SUSD1: variants seen among roughly 807,000 people sequenced by gnomAD.
SUSD1 encodes the protein sushi domain containing 1, also known as sushi domain-containing protein 1.
Under a neutral mutation model 86.9 loss-of-function variants are expected in SUSD1, and 65 were observed. That is an observed-to-expected ratio of 0.75 (90% CI 0.61 to 0.92). The LOEUF (loss-of-function observed/expected upper bound fraction) is 0.92. SUSD1 is among the 40% of genes least tolerant of loss of function. The probability of loss-of-function intolerance (pLI) is 0.00; values close to 1 mark genes in which losing one functional copy is unlikely to be tolerated. For missense variants in SUSD1, 850 were observed against 929.7 expected (o/e 0.91, Z 1.11); for synonymous variants, 346 against 350.0 (o/e 0.99, Z 0.13).
intron 10 of SUSD1, among the ~76,000 whole-genome samples, chr9:112,081,270 T>C (rs1221796271): frequency 6.6e-6 from 1 of 152,232 alleles, no homozygotes; most frequent in East Asian, 1.9e-4. Flanking sequence ...AAGGTAAGGC[T>C]GTATTTTGTA....
At chr9:112,069,230 G>A (rs1008727168) in intron 12 of SUSD1, among the ~76,000 whole-genome samples, 1 of 152,158 alleles carries the variant, frequency 6.6e-6, no homozygotes, top group South Asian at 2.1e-4. Context: ...ACAGTGTTAG[G>A]TCTAGAATTT....
intron 15 of SUSD1, among the ~76,000 whole-genome samples, chr9:112,042,954 G>A (rs926631475): frequency 1.3e-5 from 2 of 152,178 alleles, no homozygotes; most frequent in African/African-American, 2.4e-5. Context: ...AATTATAACC[G>A]AGAAAATTAT....
intron 15 of SUSD1, among the ~76,000 whole-genome samples, chr9:112,048,915 T>A (rs935291517): frequency 6.6e-6 from 1 of 152,160 alleles, no homozygotes; most frequent in Non-Finnish European, 1.5e-5. Flanking sequence ...TTGGTTTGAA[T>A]GGAGAAGAAT....
At chr9:112,052,541 T>A in intron 14 of SUSD1, 103 bp from the exon 15 acceptor site, 1 of 1,326,050 alleles carries the variant, frequency 7.5e-7, no homozygotes, top group East Asian at 2.3e-5. Context: ...TTTTTCAATC[T>A]CTTAATCTGA....
At chr9:112,060,904 G>A (rs1327849735) in intron 13 of SUSD1, among the ~76,000 whole-genome samples, 2 of 152,164 alleles carry the variant, frequency 1.3e-5, no homozygotes, top group South Asian at 4.1e-4. Context: ...GCTCACCTGT[G>A]CCCATTTGGT....
At chr9:112,044,971 C>T (rs12338617) in intron 15 of SUSD1, among the ~76,000 whole-genome samples, 3 of 152,128 alleles carry the variant, frequency 2.0e-5, no homozygotes, top group Admixed American at 6.5e-5. Flanking sequence ...GAAAATTCTA[C>T]GAAAAGGTAA....
chr9:112,050,174 T>A (rs1417464073), intron 15 of SUSD1, among the ~76,000 whole-genome samples: 1 of 151,990 alleles, frequency 6.6e-6, no homozygotes, highest in African/African-American at 2.4e-5. Flanking sequence ...CAAAAAAAAA[T>A]TTATGAATGT....
chr9:112,100,849 T>C (rs1830602423), intron 9 of SUSD1, among the ~76,000 whole-genome samples: 1 of 66,944 alleles, frequency 1.5e-5, no homozygotes, highest in Non-Finnish European at 2.8e-5. Context: ...ACAAAAAAAT[T>C]GTACCTGGAC....
intron 12 of SUSD1, among the ~76,000 whole-genome samples, chr9:112,075,603 G>T (rs1299536828): frequency 6.6e-6 from 1 of 152,040 alleles, no homozygotes; most frequent in Non-Finnish European, 1.5e-5. Context: ...TAATTAGCCA[G>T]GCATGGTGGT....
At chr9:112,144,740 G>T (rs1456008268) in intron 3 of SUSD1, among the ~76,000 whole-genome samples, 2 of 152,204 alleles carry the variant, frequency 1.3e-5, no homozygotes, top group East Asian at 3.8e-4. Context: ...ATTAGGAAAG[G>T]TCTTACTAAT....
At position 112,152,501 on chromosome 9, in the gene SUSD1, A is replaced by T. The variant is rs543656647; in HGVS notation, c.218-3102T>A. On this transcript the variant is annotated intron_variant, in intron 2 of 16. Coordinates refer to ENST00000374270, the MANE Select transcript of SUSD1 (RefSeq NM_022486.5). ...ACTGCAACCTCAACCTCCTAAGCTC[A>T]AGTGATTCTCCCACCCCAACCTCCC... Among the ~76,000 whole-genome samples, 15 of 150,808 alleles carry T rather than the reference A, an allele frequency of 9.9e-5. No individual in the cohort carries two copies. In the South Asian group the frequency reaches 3.1e-3, roughly 31 times the overall value.
chr9:112,160,169 A>G (rs923280018), intron 1 of SUSD1, among the ~76,000 whole-genome samples: 2 of 152,208 alleles, frequency 1.3e-5, no homozygotes, highest in African/African-American at 2.4e-5. Flanking sequence ...GCACTGGGGG[A>G]AAATTACATA....
chr9:112,053,568 G>A (rs1484299874), intron 14 of SUSD1, among the ~76,000 whole-genome samples: 5 of 149,572 alleles, frequency 3.3e-5, no homozygotes, highest in Admixed American at 6.7e-5. Context: ...AGCCATAAGC[G>A]TTTGAATGTG....
intron 3 of SUSD1, among the ~76,000 whole-genome samples, chr9:112,145,440 G>A (rs866161207): frequency 6.6e-5 from 10 of 151,872 alleles, no homozygotes; most frequent in East Asian, 1.9e-4. Flanking sequence ...CCACCACGCC[G>A]GCTAATTTTT....
chr9:112,070,254 G>GC (rs1206238132), intron 12 of SUSD1, among the ~76,000 whole-genome samples: 1 of 152,112 alleles, frequency 6.6e-6, no homozygotes, highest in African/African-American at 2.4e-5. Flanking sequence ...GATTCCACCT[G>GC]CCTCGGCCTC....
In SUSD1 at chr9:112,078,632, G is replaced by A. The variant is rs766277176; in HGVS notation, c.1659C>T (p.Cys553=). The A allele has an allele frequency of 2.5e-6, 4 of 1,614,078 alleles. No homozygotes were observed. The highest frequency in any genetic ancestry group is 3.4e-6 in the Non-Finnish European group (4 of 1,179,996). The change falls in exon 12 of 17, where the codon TGC becomes TGT. Residue 553 remains cysteine, a synonymous_variant. Coordinates refer to ENST00000374270, the MANE Select transcript of SUSD1 (RefSeq NM_022486.5). The part of the protein sequence containing the change: ...ISSSSRDPEV[C]LDLRPGTNYN... ...AGTTGGTACCCGGACGTAGGTCCAAGCACACCTCGGGATCTCGGCTGCTGC... is the reference window on the plus strand; with the variant it reads ...AGTTGGTACCCGGACGTAGGTCCAAACACACCTCGGGATCTCGGCTGCTGC...
chr9:112,078,809 C>CACAT, intron 11 of SUSD1, 85 bp from the exon 12 acceptor site: 1 of 829,714 alleles, frequency 1.2e-6, no homozygotes, highest in Non-Finnish European at 1.7e-6. Flanking sequence ...CTTTTTCTTT[C>CACAT]TCTTTTTTTT....
chr9:112,168,756 A>G (rs1197175858), intron 1 of SUSD1, among the ~76,000 whole-genome samples: 1 of 152,172 alleles, frequency 6.6e-6, no homozygotes, highest in Admixed American at 6.5e-5. Context: ...GGAGTTCATG[A>G]CTAGCCTGGC....
At chr9:112,173,253 CA>C (rs1834122407) in intron 1 of SUSD1, among the ~76,000 whole-genome samples, 2 of 152,064 alleles carry the variant, frequency 1.3e-5, no homozygotes, top group African/African-American at 4.8e-5. Context: ...ACCCATCAGG[CA>C]TGGTAAAAGT....
Sources: gnomAD v4.1 joint callset for allele counts (sites outside exome capture counted in the v4.1 genomes callset) on GRCh38, gnomAD v4.1.1 for gene constraint, MANE v1.5 for transcripts, NCBI Gene and HGNC (gene_info 2026-07-23, HGNC 2026-07-21) for gene names.